STOX2: variants seen among roughly 807,000 people sequenced by gnomAD.
STOX2 encodes the protein storkhead box 2.
A neutral mutation model predicts 60.9 loss-of-function variants in STOX2; 28 were observed. The observed-to-expected ratio is 0.46, with a 90% CI of 0.34 to 0.63. The LOEUF is 0.63. STOX2 is among the 30% of genes least tolerant of loss of function. STOX2 has a pLI of 0.01. For missense variants in STOX2, 1,024 were observed against 1,187.7 expected, an observed-to-expected ratio of 0.86 and a Z score of 2.03; for synonymous variants, 472 against 463.9, an observed-to-expected ratio of 1.02 and a Z score of -0.22.
At chr4:183,981,723 T>C (rs1368418990) in intron 1 of STOX2, among the ~76,000 whole-genome samples, 1 of 152,170 alleles carries the variant, frequency 6.6e-6, no homozygotes, top group Non-Finnish European at 1.5e-5. Flanking sequence ...TATACCACAA[T>C]GTGGTATGGA....
chr4:183,820,764 T>C (rs1382090307), intron 1 of STOX2, among the ~76,000 whole-genome samples: 1 of 152,146 alleles, frequency 6.6e-6, no homozygotes. Context: ...TTATGGTTTT[T>C]GAGACATTCA....
intron 1 of STOX2, among the ~76,000 whole-genome samples, chr4:183,858,997 T>C (rs1477604893): frequency 6.6e-6 from 1 of 152,170 alleles, no homozygotes; most frequent in Non-Finnish European, 1.5e-5. Flanking sequence ...CAGCTTCCTA[T>C]GGCCCTCTGC....
rs10006756 is a variant in STOX2 at position 183,833,899 on chromosome 4, G to A, written c.364+35844G>A. Among the ~76,000 whole-genome samples, 322 of 149,756 alleles carry A rather than the reference G, an allele frequency of 2.2e-3. 2 individuals are homozygous for A. The highest frequency in any genetic ancestry group is 7.5e-3 in the African/African-American group (305 of 40,844). Reference sequence around the variant, plus strand: ...TGGGAGGCTGAGGCAGGAGAATGGCGTGAACCCGGGAGGCGGAGCTTGCAG... The same window carrying A: ...TGGGAGGCTGAGGCAGGAGAATGGCATGAACCCGGGAGGCGGAGCTTGCAG... On this transcript the variant is annotated intron_variant, in intron 1 of 2. Coordinates refer to the STOX2 transcript ENST00000513034.
upstream of STOX2, among the ~76,000 whole-genome samples, chr4:183,903,961 C>A (rs116763126): frequency 5.8e-3 from 882 of 152,306 alleles, 9 homozygotes; most frequent in African/African-American, 0.02. Context: ...AATATACACT[C>A]ACCATAATGT....
chr4:184,004,947 CT>C (rs1733761773), intron 2 of STOX2, among the ~76,000 whole-genome samples: 1 of 152,200 alleles, frequency 6.6e-6, no homozygotes, highest in Non-Finnish European at 1.5e-5. Flanking sequence ...CTGAACTTGA[CT>C]TTAGAGATTC....
chr4:184,020,234 C>G lies in STOX2; in HGVS notation c.*2950C>G, dbSNP rs948304610. ...AGTGATTGCCTCTGTGGACTCATGA[C>G]TTTCCATCGCCATGGCTTTCTCTTA... On this transcript the variant is annotated 3_prime_UTR_variant, in exon 4 of 4. Coordinates refer to ENST00000308497, the MANE Select transcript of STOX2 (RefSeq NM_020225.3). 5.3e-5 allele frequency: 8 copies of G among 152,268 alleles called. No individual in the cohort carries two copies. In the East Asian group the frequency reaches 1.2e-3, roughly 22 times the overall value. 9.4% of individuals were successfully genotyped at this position (152,268 alleles called of 1,614,324 possible).
At chr4:183,901,419 C>A (rs922750743), upstream of STOX2, among the ~76,000 whole-genome samples, 61 of 152,068 alleles carry the variant, frequency 4.0e-4, no homozygotes, top group Non-Finnish European at 1.0e-4. Flanking sequence ...CACTTCTTTT[C>A]GGGTATATCT....
intron 1 of STOX2, among the ~76,000 whole-genome samples, chr4:183,999,612 G>T (rs1274361918): frequency 6.6e-6 from 1 of 152,174 alleles, no homozygotes; most frequent in Non-Finnish European, 1.5e-5. Context: ...TTTGGGAAGG[G>T]GGTGAGGCCT....
upstream of STOX2, among the ~76,000 whole-genome samples, chr4:183,903,845 G>A (rs993773534): frequency 2.0e-5 from 3 of 152,242 alleles, no homozygotes; most frequent in Admixed American, 2.0e-4. Context: ...TTGGACTGGG[G>A]TGGGGGTAGG....
At chr4:183,804,564 A>G (rs1420257775) in intron 1 of STOX2, among the ~76,000 whole-genome samples, 1 of 152,206 alleles carries the variant, frequency 6.6e-6, no homozygotes, top group Non-Finnish European at 1.5e-5. Flanking sequence ...GTCTCCAGAA[A>G]TGTGCACTGG....
intron 1 of STOX2, among the ~76,000 whole-genome samples, chr4:183,874,905 G>A (rs1259907736): frequency 1.7e-5 from 2 of 116,180 alleles, no homozygotes; most frequent in Non-Finnish European, 3.3e-5. Context: ...CAGCCTGGGC[G>A]ATGGCGAGAC....
intron 1 of STOX2, among the ~76,000 whole-genome samples, chr4:183,883,319 TAA>T (rs201351099): frequency 9.0e-6 from 1 of 110,534 alleles, no homozygotes; most frequent in Non-Finnish European, 1.9e-5. Flanking sequence ...TGACATGTTA[TAA>T]ATTTTTTTTT....
At chr4:183,881,635 G>A (rs761269711) in intron 1 of STOX2, among the ~76,000 whole-genome samples, 1 of 152,100 alleles carries the variant, frequency 6.6e-6, no homozygotes, top group Non-Finnish European at 1.5e-5. Flanking sequence ...TACACAGCGG[G>A]GCATAGAAAA....
At chr4:183,962,460 A>G (rs950512219) in intron 1 of STOX2, among the ~76,000 whole-genome samples, 4 of 152,220 alleles carry the variant, frequency 2.6e-5, no homozygotes, top group African/African-American at 9.6e-5. Context: ...TTAATACGTT[A>G]AAGATTAAGT....
intron 1 of STOX2, among the ~76,000 whole-genome samples, chr4:183,801,496 G>C (rs893931416): frequency 2.6e-5 from 4 of 152,224 alleles, no homozygotes; most frequent in African/African-American, 9.6e-5. Context: ...ATAAGAAATT[G>C]AGAGTGTGCT....
intron 1 of STOX2, among the ~76,000 whole-genome samples, chr4:183,885,487 G>A (rs770412922): frequency 5.3e-5 from 8 of 152,176 alleles, no homozygotes; most frequent in Non-Finnish European, 1.2e-4. Context: ...GATGATTCTG[G>A]TTCTGTGCAG....
intron 1 of STOX2, among the ~76,000 whole-genome samples, chr4:183,974,874 C>T (rs536858257): frequency 7.2e-5 from 11 of 152,218 alleles, no homozygotes; most frequent in South Asian, 6.2e-4. Flanking sequence ...GTGTTCCTCC[C>T]TCAAATAGCA....
intron 1 of STOX2, among the ~76,000 whole-genome samples, chr4:183,894,297 A>G (rs1197123445): frequency 6.6e-6 from 1 of 152,256 alleles, no homozygotes; most frequent in African/African-American, 2.4e-5. Context: ...TATGGTATGA[A>G]AAATAATAGA....
chr4:183,963,508 A>C (rs113716175), intron 1 of STOX2, among the ~76,000 whole-genome samples: 5,102 of 147,646 alleles, frequency 0.035, 304 homozygotes, highest in African/African-American at 0.12. Flanking sequence ...CTCACTGTAA[A>C]CTCTGCCTCC....
Sources: allele counts gnomAD v4.1 joint callset (sites outside exome capture counted in the v4.1 genomes callset), GRCh38; gene constraint gnomAD v4.1.1; transcripts MANE v1.5; gene names NCBI Gene and HGNC (gene_info 2026-07-23, HGNC 2026-07-21).